LGSN: variants seen among roughly 807,000 people sequenced by gnomAD.
LGSN encodes the protein lengsin.
In LGSN, 21 loss-of-function variants were observed where a neutral mutation model predicts 19.5. The observed-to-expected ratio is 1.07, with a 90% CI of 0.76 to 1.55. LGSN has a LOEUF of 1.55. Ranked by LOEUF, LGSN falls within the 40% of genes most tolerant of loss-of-function variation. The pLI is 0.00. For missense variants in LGSN, 673 were observed against 608.5 expected, an observed-to-expected ratio of 1.11 and a Z score of -1.12; for synonymous variants, 257 against 215.6, an observed-to-expected ratio of 1.19 and a Z score of -1.68.
At chr6:63,482,680 C>G in the LGSN span, among the ~76,000 whole-genome samples, 3 of 152,130 alleles carry the variant, frequency 2.0e-5, no homozygotes, top group African/African-American at 7.2e-5. Flanking sequence ...GAGCCGAAAT[C>G]ACACCAAAAT....
At chr6:63,395,618 G>C in the LGSN span, 1 of 153,428 alleles carries the variant, frequency 6.5e-6, no homozygotes, top group Non-Finnish European at 1.4e-5. Context: ...GCTGGTTGCT[G>C]GTGGGTGATG....
At chr6:63,316,684 A>G (rs1035799408) in intron 1 of LGSN, among the ~76,000 whole-genome samples, 1 of 152,084 alleles carries the variant, frequency 6.6e-6, no homozygotes, top group East Asian at 1.9e-4. Context: ...ATAATTTGTG[A>G]AGGCTTTGTG....
At chr6:63,485,513 T>C in the LGSN span, among the ~76,000 whole-genome samples, 2 of 152,212 alleles carry the variant, frequency 1.3e-5, no homozygotes, top group African/African-American at 4.8e-5. Flanking sequence ...CATGTGTCTT[T>C]ATAATAAGCA....
the LGSN span, among the ~76,000 whole-genome samples, chr6:63,363,360 T>C: frequency 2.6e-5 from 4 of 151,940 alleles, no homozygotes; most frequent in African/African-American, 9.7e-5. Flanking sequence ...CTTTGACGAG[T>C]TGAGAGAAGG....
chr6:63,491,610 T>C, the LGSN span, among the ~76,000 whole-genome samples: 1 of 151,932 alleles, frequency 6.6e-6, no homozygotes, highest in Non-Finnish European at 1.5e-5. Context: ...TAACATATAA[T>C]AAATAATCAA....
chr6:63,547,498 ATTTTTTT>A, the LGSN span, among the ~76,000 whole-genome samples: 36 of 90,796 alleles, frequency 4.0e-4, no homozygotes, highest in East Asian at 8.6e-3. Context: ...CCAGGGGGGA[ATTTTTTT>A]TTTTTTTTTT....
At chr6:63,416,129 T>C in the LGSN span, among the ~76,000 whole-genome samples, 1 of 151,936 alleles carries the variant, frequency 6.6e-6, no homozygotes, top group South Asian at 2.1e-4. Context: ...TTTTTGCTTT[T>C]TTTTTTTCAG....
chr6:63,441,600 G>T, the LGSN span: 3 of 458,832 alleles, frequency 6.5e-6, no homozygotes, highest in Non-Finnish European at 1.2e-5. Context: ...AAAGCAGCGA[G>T]CTAAGGAAGC....
At chr6:63,359,951 G>A in the LGSN span, among the ~76,000 whole-genome samples, 1 of 152,106 alleles carries the variant, frequency 6.6e-6, no homozygotes, top group Non-Finnish European at 1.5e-5. Context: ...TGAAATTCTG[G>A]GTTGAAAATT....
the LGSN span, chr6:63,480,122 G>A: frequency 4.9e-6 from 1 of 203,086 alleles, no homozygotes; most frequent in Non-Finnish European, 1.1e-5. Flanking sequence ...GCTCTCAGAT[G>A]CAGCTGATGC....
the LGSN span, among the ~76,000 whole-genome samples, chr6:63,487,913 G>C: frequency 6.6e-6 from 1 of 151,802 alleles, no homozygotes; most frequent in South Asian, 2.1e-4. Context: ...CGAAGAGATG[G>C]AGGTTGCAGT....
At chr6:63,559,681 G>T in the LGSN span, among the ~76,000 whole-genome samples, 2 of 152,010 alleles carry the variant, frequency 1.3e-5, no homozygotes, top group Admixed American at 1.3e-4. Flanking sequence ...GGAAGCAGAG[G>T]TTGCAGTGAG....
At chr6:63,363,133 T>G in the LGSN span, among the ~76,000 whole-genome samples, 21 of 152,108 alleles carry the variant, frequency 1.4e-4, no homozygotes, top group Admixed American at 1.3e-4. Context: ...AGCTGAGTGT[T>G]CTCACTGTTA....
chr6:63,315,351 G>A (rs1335213325), intron 1 of LGSN, among the ~76,000 whole-genome samples: 1 of 151,994 alleles, frequency 6.6e-6, no homozygotes, highest in Non-Finnish European at 1.5e-5. Context: ...GATAAAATAT[G>A]GCATGGACTT....
chr6:63,355,541 TTCAA>T, the LGSN span, among the ~76,000 whole-genome samples: 1 of 152,168 alleles, frequency 6.6e-6, no homozygotes. Context: ...TGGCTGGAAG[TTCAA>T]TCAAAGTGTC....
the LGSN span, among the ~76,000 whole-genome samples, chr6:63,507,518 T>C: frequency 6.6e-6 from 1 of 152,186 alleles, no homozygotes; most frequent in Non-Finnish European, 1.5e-5. Context: ...GATGAGTAGA[T>C]CTAGTTGCAT....
At chr6:63,477,623 A>G in the LGSN span, among the ~76,000 whole-genome samples, 43 of 134,706 alleles carry the variant, frequency 3.2e-4, no homozygotes, top group African/African-American at 1.2e-3. Flanking sequence ...ATCACGTAAG[A>G]TCCAGTTTTG....
the LGSN span, among the ~76,000 whole-genome samples, chr6:63,328,078 C>G: frequency 6.6e-6 from 1 of 152,200 alleles, no homozygotes; most frequent in African/African-American, 2.4e-5. Flanking sequence ...TTCTTTTTCC[C>G]TTTCCCAGTT....
the LGSN span, among the ~76,000 whole-genome samples, chr6:63,358,558 A>G: frequency 6.6e-6 from 1 of 152,060 alleles, no homozygotes; most frequent in Non-Finnish European, 1.5e-5. Context: ...ATCCCTTGTA[A>G]GTTGGATTCC....
Sources: gnomAD v4.1 joint callset for allele counts (sites outside exome capture counted in the v4.1 genomes callset) on GRCh38, gnomAD v4.1.1 for gene constraint, MANE v1.5 for transcripts, NCBI Gene and HGNC (gene_info 2026-07-23, HGNC 2026-07-21) for gene names.